The following KIAA0825 variants were observed in gnomAD, a reference collection of about 807,000 sequenced individuals.
KIAA0825 encodes the protein KIAA0825.
A neutral mutation model predicts 147.6 loss-of-function variants in KIAA0825; 119 were observed. The ratio of observed to expected loss-of-function variants is 0.81; its 90% CI spans 0.69 to 0.94. The LOEUF is 0.94. KIAA0825 is among the 40% of genes least tolerant of loss of function. The pLI, the probability that KIAA0825 is intolerant of heterozygous loss-of-function variation, is 0.00. For synonymous variants in KIAA0825, 470 were observed against 518.1 expected, an observed-to-expected ratio of 0.91 and a Z score of 1.26; for missense variants, 1,381 against 1,472.7, an observed-to-expected ratio of 0.94 and a Z score of 1.02.
intron 18 of KIAA0825, 22 bp downstream of exon 18, chr5:94,391,513 G>C: frequency 1.3e-6 from 2 of 1,551,216 alleles, no homozygotes; most frequent in South Asian, 1.2e-5. Flanking sequence ...CTAATTGCTC[G>C]ATAAAAAGGC....
chr5:94,578,312 G>C (rs916713180), intron 2 of KIAA0825, among the ~76,000 whole-genome samples: 1 of 152,100 alleles, frequency 6.6e-6, no homozygotes, highest in Non-Finnish European at 1.5e-5. Context: ...GTAGACTGTG[G>C]CTTTAGACCT....
At chr5:94,562,810 T>C (rs762836327) in intron 2 of KIAA0825, among the ~76,000 whole-genome samples, 67 of 152,166 alleles carry the variant, frequency 4.4e-4, no homozygotes, top group Non-Finnish European at 8.7e-4. Flanking sequence ...ATGAATCACA[T>C]ACCAAAGCTG....
chr5:94,196,906 G>T (rs1422799088), intron 20 of KIAA0825, among the ~76,000 whole-genome samples: 1 of 152,032 alleles, frequency 6.6e-6, no homozygotes, highest in Admixed American at 6.5e-5. Context: ...CTTTGCTATT[G>T]TGAATAGTGT....
chr5:94,504,441 C>G (rs1765466313), intron 5 of KIAA0825, among the ~76,000 whole-genome samples: 1 of 152,180 alleles, frequency 6.6e-6, no homozygotes, highest in Non-Finnish European at 1.5e-5. Context: ...CCCTTGAAGG[C>G]TAGAACACTC....
intron 20 of KIAA0825, among the ~76,000 whole-genome samples, chr5:94,347,390 C>A (rs142380845): frequency 6.6e-6 from 1 of 152,192 alleles, no homozygotes; most frequent in Non-Finnish European, 1.5e-5. Context: ...AAAACCCTCA[C>A]GGAGTTCATT....
At chr5:94,284,407 G>A (rs984898938) in intron 20 of KIAA0825, among the ~76,000 whole-genome samples, 5 of 152,038 alleles carry the variant, frequency 3.3e-5, no homozygotes, top group African/African-American at 9.7e-5. Context: ...CACTGTGCAC[G>A]GCAACTGCCA....
intron 15 of KIAA0825, chr5:94,414,380 T>C (rs1415757728): frequency 6.6e-6 from 1 of 152,210 alleles, no homozygotes; most frequent in Non-Finnish European, 1.5e-5. Flanking sequence ...GAATAATGCT[T>C]GATCTACTTT....
chr5:94,316,258 A>T (rs1442157265), intron 20 of KIAA0825, among the ~76,000 whole-genome samples: 1 of 151,748 alleles, frequency 6.6e-6, no homozygotes, highest in Non-Finnish European at 1.5e-5. Flanking sequence ...ATTACTTTAA[A>T]TAAAAATTTT....
intron 20 of KIAA0825, among the ~76,000 whole-genome samples, chr5:94,215,480 T>C (rs922295823): frequency 2.0e-5 from 3 of 152,146 alleles, no homozygotes; most frequent in African/African-American, 4.8e-5. Context: ...TTTTTCAAAT[T>C]GATAAATTCA....
chr5:94,488,248 A>T (rs1227304343), intron 5 of KIAA0825, among the ~76,000 whole-genome samples: 1 of 152,182 alleles, frequency 6.6e-6, no homozygotes, highest in Non-Finnish European at 1.5e-5. Flanking sequence ...CCACTAAGAC[A>T]ACCTGGCCTT....
intron 1 of KIAA0825, among the ~76,000 whole-genome samples, chr5:94,586,720 C>T (rs1266552127): frequency 1.3e-5 from 2 of 152,146 alleles, no homozygotes; most frequent in African/African-American, 2.4e-5. Context: ...GATACCAAAG[C>T]CTGGCAGAGA....
At chr5:94,199,153 C>A (rs3940842) in intron 20 of KIAA0825, among the ~76,000 whole-genome samples, 13,003 of 152,228 alleles carry the variant, frequency 0.085, 714 homozygotes, top group Middle Eastern at 0.14. Flanking sequence ...TGTGTTGGTT[C>A]TTTCTCATCT....
intron 4 of KIAA0825, among the ~76,000 whole-genome samples, chr5:94,521,536 T>C (rs1768204266): frequency 1.3e-5 from 2 of 151,686 alleles, no homozygotes; most frequent in Admixed American, 1.3e-4. Flanking sequence ...AAGAAAGATT[T>C]TACTTTGAAA....
intron 11 of KIAA0825, among the ~76,000 whole-genome samples, chr5:94,464,064 CAAAA>C (rs11364703): frequency 1.1e-5 from 1 of 90,296 alleles, no homozygotes; most frequent in Non-Finnish European, 2.2e-5. Context: ...TTCCTCCTGC[CAAAA>C]AAAAAAAAAA....
At chr5:94,192,724 A>G (rs1349555503) in intron 20 of KIAA0825, among the ~76,000 whole-genome samples, 1 of 152,156 alleles carries the variant, frequency 6.6e-6, no homozygotes, top group African/African-American at 2.4e-5. Flanking sequence ...TAGTGAAGAA[A>G]TGATAGCTCT....
intron 2 of KIAA0825, among the ~76,000 whole-genome samples, chr5:94,575,878 A>G (rs966670891): frequency 1.3e-5 from 2 of 152,220 alleles, no homozygotes; most frequent in East Asian, 1.9e-4. Context: ...AGATGAGGCT[A>G]TAAGGAAGTT....
intron 20 of KIAA0825, among the ~76,000 whole-genome samples, chr5:94,362,622 T>A (rs1032462676): frequency 5.0e-5 from 7 of 139,464 alleles, no homozygotes; most frequent in South Asian, 2.3e-4. Flanking sequence ...ACTGTACTTA[T>A]ATGGTAACTT....
chr5:94,359,405 T>G (rs1744746455), intron 20 of KIAA0825, among the ~76,000 whole-genome samples: 2 of 152,170 alleles, frequency 1.3e-5, no homozygotes, highest in Non-Finnish European at 2.9e-5. Flanking sequence ...TCAAATTAAG[T>G]TGAAAAATGA....
intron 20 of KIAA0825, among the ~76,000 whole-genome samples, 163 bp from the exon 21 acceptor site, chr5:94,154,287 G>T (rs1470941048): frequency 2.6e-5 from 4 of 152,160 alleles, no homozygotes; most frequent in Non-Finnish European, 1.5e-5. Flanking sequence ...CATTGGCACT[G>T]CCCCCGCGGA....
Sources: gnomAD v4.1 joint callset for allele counts (sites outside exome capture counted in the v4.1 genomes callset) on GRCh38, gnomAD v4.1.1 for gene constraint, MANE v1.5 for transcripts, NCBI Gene and HGNC (gene_info 2026-07-23, HGNC 2026-07-21) for gene names.